Variants in ARB2A observed in about 807,000 individuals in gnomAD.
The protein encoded by ARB2A is ARB2 cotranscriptional regulator A, also known as cotranscriptional regulator ARB2A.
At chr5:94,056,152 C>A in the ARB2A span, among the ~76,000 whole-genome samples, 1 of 152,218 alleles carries the variant, frequency 6.6e-6, no homozygotes, top group Non-Finnish European at 1.5e-5. Context: ...AATCACCATA[C>A]TGATTCTATA....
the ARB2A span, among the ~76,000 whole-genome samples, chr5:94,028,399 A>G: frequency 6.6e-6 from 1 of 152,200 alleles, no homozygotes; most frequent in South Asian, 2.1e-4. Context: ...ATTAACTGAC[A>G]TACCTCTTTT....
At chr5:94,012,204 C>T in the ARB2A span, among the ~76,000 whole-genome samples, 2,146 of 152,178 alleles carry the variant, frequency 0.014, 22 homozygotes, top group Admixed American at 0.019. Flanking sequence ...AGATCAAGAC[C>T]ATCCTGGCTA....
the ARB2A span, among the ~76,000 whole-genome samples, chr5:93,950,619 G>A: frequency 7.3e-6 from 1 of 136,604 alleles, no homozygotes; most frequent in East Asian, 2.1e-4. Context: ...CTGCAGCCTG[G>A]GTGACAGAGC....
chr5:93,843,643 A>T, the ARB2A span, among the ~76,000 whole-genome samples: 1 of 152,024 alleles, frequency 6.6e-6, no homozygotes, highest in South Asian at 2.1e-4. Context: ...TATGTTACCC[A>T]GGCTGGACAA....
the ARB2A span, among the ~76,000 whole-genome samples, chr5:93,729,497 AAC>A: frequency 1.3e-4 from 20 of 152,078 alleles, no homozygotes; most frequent in African/African-American, 4.6e-4. Flanking sequence ...GAAATGGCCA[AAC>A]ATTGCTATGG....
the ARB2A span, chr5:93,683,184 C>T: frequency 7.7e-7 from 1 of 1,298,630 alleles, no homozygotes; most frequent in Non-Finnish European, 1.1e-6. Flanking sequence ...TCAAAATCAT[C>T]ATCATCATCA....
chr5:94,085,735 C>A, the ARB2A span, among the ~76,000 whole-genome samples: 3 of 152,152 alleles, frequency 2.0e-5, no homozygotes, highest in East Asian at 1.9e-4. Context: ...AAAAACTGTT[C>A]TCCAATTATA....
At chr5:93,874,586 G>C in the ARB2A span, among the ~76,000 whole-genome samples, 1 of 152,094 alleles carries the variant, frequency 6.6e-6, no homozygotes, top group African/African-American at 2.4e-5. Context: ...TAATAAACTG[G>C]TAAACATAAG....
At chr5:94,074,794 T>A in the ARB2A span, 2 of 1,494,562 alleles carry the variant, frequency 1.3e-6, no homozygotes, top group Non-Finnish European at 9.2e-7. Context: ...AGCAATAAAT[T>A]AAGTTCTACT....
the ARB2A span, among the ~76,000 whole-genome samples, chr5:93,872,107 C>T: frequency 6.6e-6 from 1 of 152,008 alleles, no homozygotes; most frequent in African/African-American, 2.4e-5. Context: ...CACCACCATG[C>T]CCGGCTATTT....
the ARB2A span, among the ~76,000 whole-genome samples, chr5:93,774,039 G>C: frequency 1.3e-5 from 2 of 152,234 alleles, no homozygotes; most frequent in African/African-American, 4.8e-5. Flanking sequence ...GCCTCCCAAA[G>C]TACTGGAATT....
the ARB2A span, chr5:93,683,050 T>A: frequency 6.4e-7 from 1 of 1,563,432 alleles, no homozygotes; most frequent in South Asian, 1.1e-5. Context: ...AGGATTCTTG[T>A]CCTTTTGATC....
chr5:93,755,908 C>T, the ARB2A span, among the ~76,000 whole-genome samples: 1 of 152,306 alleles, frequency 6.6e-6, no homozygotes, highest in East Asian at 1.9e-4. Flanking sequence ...GGTGCAAATC[C>T]GGTGTGCAGA....
At chr5:93,681,168 G>A in the ARB2A span, among the ~76,000 whole-genome samples, 10 of 151,578 alleles carry the variant, frequency 6.6e-5, no homozygotes, top group Admixed American at 2.0e-4. Context: ...TTACTATTTT[G>A]AGCTCTCAGA....
the ARB2A span, among the ~76,000 whole-genome samples, chr5:94,095,505 C>G: frequency 2.0e-5 from 3 of 151,956 alleles, no homozygotes; most frequent in African/African-American, 7.3e-5. Flanking sequence ...CCATCTCTCA[C>G]TACAATCAAA....
At chr5:94,057,491 T>C in the ARB2A span, among the ~76,000 whole-genome samples, 2 of 152,326 alleles carry the variant, frequency 1.3e-5, no homozygotes, top group South Asian at 4.1e-4. Context: ...AATGTAAATG[T>C]ACTTTATGCT....
At chr5:93,877,184 C>T in the ARB2A span, among the ~76,000 whole-genome samples, 2 of 152,102 alleles carry the variant, frequency 1.3e-5, no homozygotes, top group African/African-American at 4.8e-5. Flanking sequence ...CTTTACTTCC[C>T]ATCAGTAGAG....
the ARB2A span, among the ~76,000 whole-genome samples, chr5:93,955,745 C>T: frequency 3.3e-5 from 5 of 152,172 alleles, no homozygotes; most frequent in Non-Finnish European, 7.3e-5. Flanking sequence ...TATAAATAAA[C>T]CCTCAGCTGT....
the ARB2A span, among the ~76,000 whole-genome samples, chr5:93,710,678 C>T: frequency 6.6e-6 from 1 of 151,932 alleles, no homozygotes; most frequent in Non-Finnish European, 1.5e-5. Flanking sequence ...CATAAGGAAC[C>T]AATGTATTTT....
Sources: allele counts gnomAD v4.1 joint callset (sites outside exome capture counted in the v4.1 genomes callset), GRCh38; gene constraint gnomAD v4.1.1; transcripts MANE v1.5; gene names NCBI Gene and HGNC (gene_info 2026-07-23, HGNC 2026-07-21).